COL1A2: variants seen among roughly 807,000 people sequenced by gnomAD.
COL1A2 encodes collagen alpha-2(I) chain.
Under a neutral mutation model 174.3 loss-of-function variants are expected in COL1A2, and 49 were observed. The observed-to-expected ratio is 0.28, with a 90% CI of 0.22 to 0.36. COL1A2 has a LOEUF of 0.36. Ranked by LOEUF, COL1A2 falls within the 10% of genes least tolerant of loss-of-function variation. The pLI is 1.00. For missense variants in COL1A2, 1,438 were observed against 1,822.7 expected, an observed-to-expected ratio of 0.79 and a Z score of 3.84; for synonymous variants, 655 against 606.6, an observed-to-expected ratio of 1.08 and a Z score of -1.17.
In COL1A2 at chr7:94,427,792, C is replaced by G. The variant is rs1421631769; in HGVS notation, c.3433C>G (p.Gln1145Glu). 3.7e-6 allele frequency: 6 copies of G among 1,614,072 alleles called. No homozygotes were observed. In the South Asian group the frequency reaches 5.5e-5, roughly 15 times the overall value. Residue 1145 changes from glutamine to glutamate, a missense_variant, in exon 49 of 52, where the codon CAG becomes GAG. By Grantham distance (29) the Gln-to-Glu change is conservative. Transcript: ENST00000297268. The part of the protein sequence containing the change: ...VDATLKSLNN[Q>E]IETLLTPEGS... ...TGCTACTCTGAAGTCTCTCAACAACCAGATTGAGACCCTTCTTACTCCTGA... is the reference window on the plus strand; with the variant it reads ...TGCTACTCTGAAGTCTCTCAACAACGAGATTGAGACCCTTCTTACTCCTGA...
At position 94,410,454 on chromosome 7, in the gene COL1A2, G is replaced by T; in HGVS notation, c.1124G>T (p.Ser375Ile). The T allele has an allele frequency of 6.4e-7, 1 of 1,551,174 alleles. No individual in the cohort carries two copies. Among genetic ancestry groups the T allele is most frequent in the East Asian group, 2.4e-5 (1 of 40,976 alleles). ...SAGPQGPPGP[S>I]GEEGKRGPNG... ...GGGCCCCAAGGTCCTCCTGGTCCCA[G>T]TGGTGAAGAAGGAAAGAGAGGCCCT... Residue 375 changes from serine (S) to isoleucine (I), a missense_variant, in exon 21 of 52, where the codon AGT becomes ATT. Around this residue, in one of 3 missense-constraint regions of COL1A2, gnomAD observed 867 missense variants for 1,213.7 expected, o/e 0.71. Coordinates refer to ENST00000297268, the MANE Select transcript of COL1A2 (RefSeq NM_000089.4).
rs199596401 is a variant in COL1A2 at position 94,408,133 on chromosome 7, T to A, written c.640-50T>A. The A allele has an allele frequency of 7.5e-5, 120 of 1,591,386 alleles. No individual in the cohort carries two copies. The East Asian group carries it at 1.6e-3, about 22-fold the overall frequency. ...GAACAAAGCAAATGATGCCTGTGACTTTTTTTAAATTAGCATTCTGGATTT... is the reference window on the plus strand; with the variant it reads ...GAACAAAGCAAATGATGCCTGTGACATTTTTTAAATTAGCATTCTGGATTT... On this transcript the variant is annotated intron_variant, in intron 13 of 51. Coordinates refer to ENST00000297268, the MANE Select transcript of COL1A2 (RefSeq NM_000089.4).
At chr7:94,395,654 C>T (rs1791568574) in intron 1 of COL1A2, 1 of 219,274 alleles carries the variant, frequency 4.6e-6, no homozygotes, top group South Asian at 6.9e-5. Flanking sequence ...AATGAAAGTA[C>T]AGGGGACAGG....
At chr7:94,414,174 C>T in intron 28 of COL1A2, 48 bp from the exon 29 acceptor site, 1 of 1,599,698 alleles carries the variant, frequency 6.3e-7, no homozygotes, top group Admixed American at 1.7e-5. Context: ...TAGCAAATCT[C>T]CTGAACGTAG....
At chr7:94,400,369 A>G (rs760530621) in intron 5 of COL1A2, 81 bp downstream of exon 5, 3 of 1,203,074 alleles carry the variant, frequency 2.5e-6, no homozygotes, top group Non-Finnish European at 3.7e-6. Context: ...TTTAGCAGTT[A>G]AGGGATAATT....
chr7:94,410,541 G>T lies in COL1A2; in HGVS notation c.1197+14G>T, dbSNP rs756968679. On this transcript the variant is annotated intron_variant, in intron 21 of 51. Coordinates refer to ENST00000297268, the MANE Select transcript of COL1A2 (RefSeq NM_000089.4). Reference sequence around the variant, plus strand: ...CCTGGGCTGAGAGTAGGTTTCAAATGCTCCCAACACCCTAACACACCAGAG... The same window carrying T: ...CCTGGGCTGAGAGTAGGTTTCAAATTCTCCCAACACCCTAACACACCAGAG... 3 of 1,538,728 alleles carry T rather than the reference G, an allele frequency of 1.9e-6. No homozygotes were observed. The highest frequency in any genetic ancestry group is 1.2e-5 in the South Asian group (1 of 83,784).
chr7:94,430,440 C>T lies in COL1A2; in HGVS notation c.*47C>T. The T allele has an allele frequency of 6.3e-7, 1 of 1,589,626 alleles. No individual in the cohort carries two copies. Among genetic ancestry groups the T allele is most frequent in the Non-Finnish European group, 8.6e-7 (1 of 1,163,488 alleles). On this transcript the variant is annotated 3_prime_UTR_variant, in exon 52 of 52. Transcript: ENST00000297268. ...AAAGAAAGAAATTTGAAAAAACTTTCTCTTTGCCATTTCTTCTTCTTCTTT... is the reference window on the plus strand; with the variant it reads ...AAAGAAAGAAATTTGAAAAAACTTTTTCTTTGCCATTTCTTCTTCTTCTTT...
Position 94,413,732 on chromosome 7 carries a change from C to T in COL1A2, c.1600C>T (p.Pro534Ser), listed in dbSNP as rs2115908300. The T allele has an allele frequency of 2.5e-6, 4 of 1,614,216 alleles. No individual in the cohort carries two copies. In the Middle Eastern group the frequency reaches 4.9e-4, roughly 200 times the overall value. ...TGGAAACAATGGTGCTCAGGGACCT[C>T]CTGGACCACAGGTGAGTATTTCTCC... ...PDGNNGAQGPPGPQGVQGGKG... is the reference protein window; with the variant it reads ...PDGNNGAQGPSGPQGVQGGKG... The change falls in exon 27 of 52, where the codon CCT becomes TCT. Residue 534 changes from proline to serine, a missense_variant. Pro to Ser is a moderately conservative substitution (Grantham distance 74). Transcript: ENST00000297268.
rs148538556 is a variant in COL1A2 at position 94,418,643 on chromosome 7, CTT to C, written c.2025+93_2025+94del. 2,052 of 965,962 alleles carry C rather than the reference CTT, an allele frequency of 2.1e-3. 26 individuals are homozygous for C. The African/African-American group carries it at 0.03, about 14-fold the overall frequency. The allele number at this position is 965,962 out of a possible 1,614,324, so 59.8% of individuals were successfully genotyped here. Reference sequence around the variant, plus strand: ...GTTTTCCAAATTAGAACTACACACACTTTATTTATCAAGTTTAATAAAATAAT... The same window carrying C: ...GTTTTCCAAATTAGAACTACACACACTATTTATCAAGTTTAATAAAATAAT... On this transcript the variant is annotated intron_variant, in intron 33 of 51. Transcript: ENST00000297268.
rs752911469 is a variant in COL1A2, at chr7:94,409,557, C to T, written c.892-7C>T. On this transcript the variant is annotated splice_polypyrimidine_tract_variant and splice_region_variant and intron_variant, in intron 17 of 51. Transcript: ENST00000297268. Reference sequence around the variant, plus strand: ...CTGATATCCTTCTCCTTTCCTTTTCCTCATAGGGTAATCCTGGAGCAAACG... The same window carrying T: ...CTGATATCCTTCTCCTTTCCTTTTCTTCATAGGGTAATCCTGGAGCAAACG... The T allele has an allele frequency of 3.1e-6, 5 of 1,614,174 alleles. No homozygotes were observed. Among genetic ancestry groups the T allele is most frequent in the Non-Finnish European group, 4.2e-6 (5 of 1,180,026 alleles).
Position 94,411,406 on chromosome 7 carries a change from C to A in COL1A2, c.1350+252C>A, listed in dbSNP as rs1257290816. ...GAAGAATAGATCTATTTTAATATAT[C>A]CAAATTAGATTGGTCCTCCTATCAG... On this transcript the variant is annotated intron_variant, in intron 23 of 51. Coordinates refer to ENST00000297268, the MANE Select transcript of COL1A2 (RefSeq NM_000089.4). Among the ~76,000 whole-genome samples the A allele has an allele frequency of 3.9e-5, 6 of 152,162 alleles. No individual in the cohort carries two copies. The Middle Eastern group carries it at 0.01, about 259-fold the overall frequency.
At chr7:94,418,421 A>G in intron 32 of COL1A2, 78 bp from the exon 33 acceptor site, 1 of 1,281,884 alleles carries the variant, frequency 7.8e-7, no homozygotes, top group Non-Finnish European at 1.1e-6. Context: ...TTCTGTAAAA[A>G]AGAAAAAAAC....
At chr7:94,407,086 T>C (rs968171627) in intron 12 of COL1A2, among the ~76,000 whole-genome samples, 1 of 152,112 alleles carries the variant, frequency 6.6e-6, no homozygotes, top group African/African-American at 2.4e-5. Context: ...GGAGACCCCC[T>C]CATTTTGCAG....
At chr7:94,426,319 A>G in intron 45 of COL1A2, 104 bp from the exon 46 acceptor site, 1 of 1,089,786 alleles carries the variant, frequency 9.2e-7, no homozygotes. Flanking sequence ...AAACCATTAC[A>G]TGTCCTGAGT....
chr7:94,424,957 A>T (rs1276419992), intron 41 of COL1A2, 160 bp from the exon 42 acceptor site: 1 of 682,112 alleles, frequency 1.5e-6, no homozygotes, highest in East Asian at 2.7e-5. Context: ...AGGAGGGCAG[A>T]GATGATACTA....
chr7:94,396,138 C>T (rs1791578143), intron 1 of COL1A2, among the ~76,000 whole-genome samples: 1 of 152,116 alleles, frequency 6.6e-6, no homozygotes, highest in Non-Finnish European at 1.5e-5. Context: ...TTCATGTCAA[C>T]AGAGAATGAA....
rs1792014111 is a variant in COL1A2, at chr7:94,415,212, C to T, written c.1720-14C>T. The T allele has an allele frequency of 1.9e-6, 3 of 1,611,806 alleles. No homozygotes were observed. In the South Asian group the frequency reaches 3.3e-5, roughly 18 times the overall value. On this transcript the variant is annotated splice_polypyrimidine_tract_variant and intron_variant, in intron 29 of 51. Transcript: ENST00000297268. ...ACACACAGATTTCATGCTTTATTCT[C>T]ATGTTTTGTCTAGGGTCTCCATGGT...
Position 94,428,487 on chromosome 7 carries a change from C to G in COL1A2, c.3711+10C>G. The G allele has an allele frequency of 1.2e-6, 2 of 1,608,604 alleles. No homozygotes were observed. Among genetic ancestry groups the G allele is most frequent in the Non-Finnish European group, 1.7e-6 (2 of 1,175,834 alleles). On this transcript the variant is annotated intron_variant, in intron 50 of 51. Coordinates refer to ENST00000297268, the MANE Select transcript of COL1A2 (RefSeq NM_000089.4). ...CAATGCTGGCAGCCAGGTGAGGAATCCCACAAACACCTCTCCTTCTGCTAA... is the reference window on the plus strand; with the variant it reads ...CAATGCTGGCAGCCAGGTGAGGAATGCCACAAACACCTCTCCTTCTGCTAA...
In COL1A2 at chr7:94,409,627, C is replaced by T; in HGVS notation, c.936+19C>T. ...TGCTGCTGTGAGTATACCTGCGTAG[C>T]TAAAATGTGCTGCTATGATTTTAAA... On this transcript the variant is annotated intron_variant, in intron 18 of 51. Transcript: ENST00000297268. 2 of 1,614,068 alleles carry T rather than the reference C, an allele frequency of 1.2e-6. No homozygotes were observed. The highest frequency in any genetic ancestry group is 1.7e-6 in the Non-Finnish European group (2 of 1,179,956).
Sources: allele counts gnomAD v4.1 joint callset (sites outside exome capture counted in the v4.1 genomes callset), GRCh38; gene constraint gnomAD v4.1.1; regional missense constraint gnomAD v4.1.1; transcripts MANE v1.5; gene names NCBI Gene and HGNC (gene_info 2026-07-23, HGNC 2026-07-21).